The following NAA20 variants were observed in gnomAD, a reference collection of about 807,000 sequenced individuals.
NAA20 encodes N-alpha-acetyltransferase 20, NatB catalytic subunit.
Under a neutral mutation model 23.8 loss-of-function variants are expected in NAA20, and 24 were observed. The observed-to-expected ratio is 1.01, with a 90% CI of 0.73 to 1.42. The LOEUF (loss-of-function observed/expected upper bound fraction) is 1.42. NAA20 is among the 40% of genes most tolerant of loss of function. NAA20 has a pLI of 0.00. For synonymous variants in NAA20, 83 were observed against 77.7 expected (o/e 1.07, Z -0.36); for missense variants, 166 against 223.1 (o/e 0.74, Z 1.63).
intron 3 of NAA20, among the ~76,000 whole-genome samples, chr20:20,026,375 C>G (rs551217016): frequency 1.3e-5 from 2 of 151,982 alleles, no homozygotes; most frequent in African/African-American, 2.4e-5. Context: ...GTACATAATG[C>G]AGGCATCATA....
intron 3 of NAA20, among the ~76,000 whole-genome samples, 193 bp from the exon 4 acceptor site, chr20:20,026,591 A>C (rs1278524055): frequency 2.0e-5 from 3 of 152,124 alleles, no homozygotes; most frequent in South Asian, 2.1e-4. Flanking sequence ...ACTATTCTAA[A>C]TGTAACAGAT....
rs1395314841 is a variant in NAA20, at chr20:20,033,378, G to A, written c.*191G>A. ...TAGCAATATCATACCTATTAAAGCT[G>A]TTCATTGTAACAAAATTCAATCAAA... On this transcript the variant is annotated 3_prime_UTR_variant, in exon 6 of 6. Transcript: ENST00000334982. The A allele has an allele frequency of 6.1e-6, 3 of 488,420 alleles. No individual in the cohort carries two copies. The highest frequency in any genetic ancestry group is 1.1e-5 in the Non-Finnish European group (3 of 278,346). The allele number at this position is 488,420 out of a possible 1,614,324, so 30.3% of individuals were successfully genotyped here. A position where few individuals can be genotyped will look rare whatever the true frequency, so the allele number is the denominator to read the frequency against.
chr20:20,028,231 A>C (rs2043319636), intron 4 of NAA20, among the ~76,000 whole-genome samples: 1 of 152,216 alleles, frequency 6.6e-6, no homozygotes, highest in East Asian at 1.9e-4. Flanking sequence ...TTATGTTGAA[A>C]AAAAGTATTT....
At chr20:20,018,207 A>ATTT in intron 1 of NAA20, 1 of 634,340 alleles carries the variant, frequency 1.6e-6, no homozygotes, top group East Asian at 3.4e-5. Context: ...GCAGGTACCA[A>ATTT]TTTTTTTTTT....
At chr20:20,028,285 C>G (rs1483497033) in intron 4 of NAA20, among the ~76,000 whole-genome samples, 1 of 151,832 alleles carries the variant, frequency 6.6e-6, no homozygotes, top group Non-Finnish European at 1.5e-5. Flanking sequence ...GTGGGTTGTT[C>G]AATGAGAACA....
chr20:20,033,220 G>C lies in NAA20; in HGVS notation c.*33G>C, dbSNP rs2043361307. 1 of 1,479,158 alleles carries C rather than the reference G, an allele frequency of 6.8e-7. No homozygotes were observed. Among genetic ancestry groups the C allele is most frequent in the Non-Finnish European group, 9.4e-7 (1 of 1,060,046 alleles). The allele number at this position is 1,479,158 out of a possible 1,614,324, so 91.6% of individuals were successfully genotyped here. ...CAGTGGTTCTTAGGCAGATACTCTA[G>C]ATGCTTTATGGACAATATTATTTTC... On this transcript the variant is annotated 3_prime_UTR_variant, in exon 6 of 6. Transcript: ENST00000334982.
At chr20:20,025,459 A>G (rs986049313) in intron 2 of NAA20, among the ~76,000 whole-genome samples, 4 of 152,216 alleles carry the variant, frequency 2.6e-5, no homozygotes, top group Non-Finnish European at 5.9e-5. Flanking sequence ...AGACAGTGCT[A>G]TCACCATTCC....
At chr20:20,028,323 C>T (rs570911540) in intron 4 of NAA20, among the ~76,000 whole-genome samples, 1 of 152,134 alleles carries the variant, frequency 6.6e-6, no homozygotes, top group Admixed American at 6.5e-5. Context: ...GAACATCACA[C>T]ACCAGGGCCT....
intron 1 of NAA20, chr20:20,017,775 C>A (rs1295898628): frequency 2.8e-6 from 4 of 1,439,086 alleles, no homozygotes; most frequent in African/African-American, 1.4e-5. Flanking sequence ...GGTGATGGGG[C>A]GAGCTGGAGA....
chr20:20,028,164 C>T (rs1568748526), intron 4 of NAA20, among the ~76,000 whole-genome samples: 1 of 151,954 alleles, frequency 6.6e-6, no homozygotes, highest in Admixed American at 6.6e-5. Context: ...CTAGACCAAA[C>T]AAAGAAGGGA....
chr20:20,031,835 A>C (rs1186938928), intron 4 of NAA20, among the ~76,000 whole-genome samples: 1 of 152,252 alleles, frequency 6.6e-6, no homozygotes, highest in Non-Finnish European at 1.5e-5. Context: ...GTTACACTGT[A>C]AGATTGGCAA....
At chr20:20,020,981 T>C (rs1039663121) in intron 1 of NAA20, among the ~76,000 whole-genome samples, 1 of 138,922 alleles carries the variant, frequency 7.2e-6, no homozygotes, top group Non-Finnish European at 1.5e-5. Context: ...CCGTGCCTAT[T>C]GACAGGAGAG....
At chr20:20,018,898 C>A in intron 1 of NAA20, 2 of 985,402 alleles carry the variant, frequency 2.0e-6, no homozygotes, top group Non-Finnish European at 2.4e-6. Context: ...GGAACTTCAT[C>A]CAAGGATATT....
At chr20:20,017,350 C>A, upstream of NAA20, 1 of 1,607,102 alleles carries the variant, frequency 6.2e-7, no homozygotes. Context: ...TCCGGCAGGG[C>A]GGGCGCGGGG....
chr20:20,026,773 G>C lies in NAA20; in HGVS notation c.170-11G>C. The C allele has an allele frequency of 6.2e-7, 1 of 1,612,088 alleles. No homozygotes were observed. The highest frequency in any genetic ancestry group is 1.1e-5 in the South Asian group (1 of 90,806). ...CTAGTTACTGAATGTGATTTTTGTT[G>C]TTGTTGGCAGTTATGGGTAAAGCAG... On this transcript the variant is annotated splice_polypyrimidine_tract_variant and intron_variant, in intron 3 of 5. Transcript: ENST00000334982.
chr20:20,021,023 C>T (rs897291578), intron 1 of NAA20, among the ~76,000 whole-genome samples: 20 of 32,038 alleles, frequency 6.2e-4, no homozygotes, highest in Non-Finnish European at 8.0e-4. Context: ...TGCCTGTGTG[C>T]GTGGGTTCGG....
Position 20,025,676 on chromosome 20 carries a change from G to A in NAA20, c.79-1G>A. The A allele has an allele frequency of 6.2e-7, 1 of 1,604,264 alleles. No individual in the cohort carries two copies. Among genetic ancestry groups the A allele is most frequent in the Non-Finnish European group, 8.5e-7 (1 of 1,171,140 alleles). On this transcript the variant is annotated splice_acceptor_variant, in intron 2 of 5. Coordinates refer to ENST00000334982, the MANE Select transcript of NAA20 (RefSeq NM_016100.5). LOFTEE classifies it high-confidence loss of function. ...TTTCACACTCCTTAACAGGACTCTAGTATGGGATTCCTTTCTACCTACAAT... is the reference window on the plus strand; with the variant it reads ...TTTCACACTCCTTAACAGGACTCTAATATGGGATTCCTTTCTACCTACAAT...
Position 20,017,366 on chromosome 20 carries a change from G to C in NAA20, c.-31G>C. On this transcript the variant is annotated 5_prime_UTR_variant, in exon 1 of 6. Coordinates refer to ENST00000334982, the MANE Select transcript of NAA20 (RefSeq NM_016100.5). ...CCGGCAGGGCGGGCGCGGGGTCTTG[G>C]CGAACGGTCTTCGGAAGCGGCGGCG... 2 of 1,610,402 alleles carry C rather than the reference G, an allele frequency of 1.2e-6. No homozygotes were observed. Among genetic ancestry groups the C allele is most frequent in the Non-Finnish European group, 1.7e-6 (2 of 1,178,996 alleles).
intron 2 of NAA20, among the ~76,000 whole-genome samples, chr20:20,024,456 G>A (rs1427008803): frequency 6.6e-6 from 1 of 152,158 alleles, no homozygotes; most frequent in Non-Finnish European, 1.5e-5. Flanking sequence ...AAAAATCTCT[G>A]CAGGTTCATC....
Sources: allele counts gnomAD v4.1 joint callset (sites outside exome capture counted in the v4.1 genomes callset), GRCh38; gene constraint gnomAD v4.1.1; transcripts MANE v1.5; gene names NCBI Gene and HGNC (gene_info 2026-07-23, HGNC 2026-07-21).